The following ANKS1B variants were observed in gnomAD, a reference collection of about 807,000 sequenced individuals.
ANKS1B encodes ankyrin repeat and sterile alpha motif domain containing 1B.
Under a neutral mutation model 148.3 loss-of-function variants are expected in ANKS1B, and 36 were observed. That is an observed-to-expected ratio of 0.24 (90% CI 0.19 to 0.32). The LOEUF (loss-of-function observed/expected upper bound fraction) is 0.32. Among genes scored for constraint, ANKS1B ranks in the 10% least tolerant of loss-of-function variants. ANKS1B has a pLI of 1.00. For synonymous variants in ANKS1B, 542 were observed against 560.8 expected (o/e 0.97, Z 0.47); for missense variants, 1,157 against 1,542.6 (o/e 0.75, Z 4.19).
intron 12 of ANKS1B, among the ~76,000 whole-genome samples, chr12:99,260,753 T>G (rs756581838): frequency 6.6e-6 from 1 of 152,182 alleles, no homozygotes; most frequent in African/African-American, 2.4e-5. Context: ...GTAAAATGGC[T>G]TAGAAAATCG....
At chr12:99,773,883 C>T (rs1019184499) in intron 7 of ANKS1B, among the ~76,000 whole-genome samples, 1 of 151,984 alleles carries the variant, frequency 6.6e-6, no homozygotes, top group Admixed American at 6.6e-5. Flanking sequence ...CACAAGGTTT[C>T]CAAGAACACA....
intron 9 of ANKS1B, among the ~76,000 whole-genome samples, chr12:99,561,987 A>C (rs773377011): frequency 2.6e-4 from 39 of 152,352 alleles, no homozygotes; most frequent in Middle Eastern, 6.8e-3. Flanking sequence ...AAAAAGACTT[A>C]ACAGTCTAAG....
intron 8 of ANKS1B, among the ~76,000 whole-genome samples, chr12:99,740,412 T>C (rs1477265431): frequency 2.0e-5 from 3 of 152,184 alleles, no homozygotes; most frequent in Non-Finnish European, 4.4e-5. Context: ...CTCTGTGAAA[T>C]ATTCCAGGAA....
chr12:99,639,791 A>T (rs933687094), intron 9 of ANKS1B, among the ~76,000 whole-genome samples: 1 of 152,164 alleles, frequency 6.6e-6, no homozygotes, highest in Non-Finnish European at 1.5e-5. Context: ...CTGTGAGTCA[A>T]TTGAACCTCT....
rs549165041 is a variant in ANKS1B at position 99,102,618 on chromosome 12, C to T, written c.2527-17595G>A. On this transcript the variant is annotated intron_variant, in intron 15 of 26. Transcript: ENST00000683438. ...AGTTAGCTGGGCATGGTGGCATGCACCTGTAGTCCCGGCTACTCCGGGGGC... is the reference window on the plus strand; with the variant it reads ...AGTTAGCTGGGCATGGTGGCATGCATCTGTAGTCCCGGCTACTCCGGGGGC... Among the ~76,000 whole-genome samples, 79 of 152,258 alleles carry T rather than the reference C, an allele frequency of 5.2e-4. 2 individuals are homozygous for T. In the South Asian group the frequency reaches 0.016, roughly 31 times the overall value.
At chr12:98,856,839 T>C (rs2099574316) in intron 17 of ANKS1B, among the ~76,000 whole-genome samples, 3 of 152,088 alleles carry the variant, frequency 2.0e-5, no homozygotes, top group Admixed American at 2.0e-4. Context: ...GGAAGGTGCA[T>C]CATCAAAAGA....
At position 99,369,779 on chromosome 12, in the gene ANKS1B, TA is replaced by T. The variant is rs1266277472; in HGVS notation, c.1756+29851del. On this transcript the variant is annotated intron_variant, in intron 12 of 26. Coordinates refer to ENST00000683438, the MANE Select transcript of ANKS1B (RefSeq NM_001352186.2). ...ATAGATAGATAGATAGATAGATAGA[TA>T]GATAGATAGATGGACGGACGGACAG... is the stretch of plus-strand genomic sequence containing the variant. Among the ~76,000 whole-genome samples the T allele has an allele frequency of 1.1e-3, 165 of 145,298 alleles. 1 individual carries two copies. The highest frequency in any genetic ancestry group is 2.0e-3 in the Non-Finnish European group (133 of 66,988).
rs967516841 is a variant in ANKS1B at position 98,894,970 on chromosome 12, G to A, written c.2779-62834C>T. The A allele has an allele frequency of 8.0e-5, 66 of 828,606 alleles. 1 individual carries two copies. In the African/African-American group the frequency reaches 1.2e-3, roughly 16 times the overall value. The allele number at this position is 828,606 out of a possible 1,614,324, so 51.3% of individuals were successfully genotyped here. On this transcript the variant is annotated intron_variant, in intron 17 of 26. Transcript: ENST00000683438. ...CCTCGCACCCGCCCGGCTCCACGCG[G>A]CGCGCGCCTGCCCTGGCGGCAGCGG...
chr12:99,407,413 C>CA (rs2094557994), intron 11 of ANKS1B, among the ~76,000 whole-genome samples: 1 of 145,606 alleles, frequency 6.9e-6, no homozygotes, highest in African/African-American at 2.6e-5. Context: ...CAGTATCATA[C>CA]AAAATGGGAG....
rs948191699 is a variant in ANKS1B, at chr12:99,841,466, T to C, written c.135-16077A>G. Among the ~76,000 whole-genome samples the C allele has an allele frequency of 2.6e-5, 4 of 152,230 alleles. No homozygotes were observed. The East Asian group carries it at 5.8e-4, about 22-fold the overall frequency. The stretch of plus-strand genomic sequence containing the variant: ...TTCACATTCACATGTAAATTGTCTC[T>C]GGTTTTCTTGTCTTTTTTATTTCAG... On this transcript the variant is annotated intron_variant, in intron 1 of 26. Transcript: ENST00000683438.
chr12:99,674,816 T>C (rs533401130), intron 8 of ANKS1B, among the ~76,000 whole-genome samples: 3 of 151,902 alleles, frequency 2.0e-5, no homozygotes, highest in African/African-American at 7.2e-5. Flanking sequence ...TGAACATTAA[T>C]ACTAAAATTC....
At chr12:98,759,675 A>G (rs1244515361) in intron 25 of ANKS1B, among the ~76,000 whole-genome samples, 1 of 152,200 alleles carries the variant, frequency 6.6e-6, no homozygotes, top group Non-Finnish European at 1.5e-5. Context: ...TATTCATTAA[A>G]GTGTTTAAAT....
At chr12:99,091,877 G>A (rs1032149515) in intron 15 of ANKS1B, among the ~76,000 whole-genome samples, 4 of 152,068 alleles carry the variant, frequency 2.6e-5, no homozygotes, top group African/African-American at 7.2e-5. Context: ...ACCTCTAGCA[G>A]GAATCATGCA....
At chr12:98,860,153 CTA>C (rs1458756403) in intron 17 of ANKS1B, among the ~76,000 whole-genome samples, 2 of 152,174 alleles carry the variant, frequency 1.3e-5, no homozygotes, top group African/African-American at 2.4e-5. Flanking sequence ...ATTTAAAAAC[CTA>C]TATGTTTTCA....
chr12:98,787,443 C>T (rs2098805470), intron 22 of ANKS1B, among the ~76,000 whole-genome samples: 1 of 152,172 alleles, frequency 6.6e-6, no homozygotes, highest in Admixed American at 6.5e-5. Flanking sequence ...CTTGATTTGT[C>T]TTCACTGTAA....
At chr12:99,033,488 T>C (rs751318118) in intron 17 of ANKS1B, among the ~76,000 whole-genome samples, 1 of 152,050 alleles carries the variant, frequency 6.6e-6, no homozygotes, top group African/African-American at 2.4e-5. Flanking sequence ...CAAATCAATT[T>C]ATAGAAGTAA....
At chr12:99,269,795 G>A (rs1040417379) in intron 12 of ANKS1B, among the ~76,000 whole-genome samples, 10 of 152,218 alleles carry the variant, frequency 6.6e-5, no homozygotes, top group African/African-American at 1.9e-4. Flanking sequence ...TCCTGACCTC[G>A]TGATCTGCCC....
intron 12 of ANKS1B, among the ~76,000 whole-genome samples, chr12:99,273,558 TTTTTTTTTTTTTGCGA>T: frequency 7.4e-6 from 1 of 134,826 alleles, no homozygotes; most frequent in Non-Finnish European, 1.6e-5. Flanking sequence ...TATCAGATTC[TTTTTTTTTTTTTGCGA>T]TTTTTTTTTT....
At chr12:98,818,181 C>CT (rs2099157627) in intron 19 of ANKS1B, among the ~76,000 whole-genome samples, 1 of 110,696 alleles carries the variant, frequency 9.0e-6, no homozygotes, top group South Asian at 3.7e-4. Flanking sequence ...CCCTTCCTTC[C>CT]TCTCTTCCTC....
Sources: gnomAD v4.1 joint callset for allele counts (sites outside exome capture counted in the v4.1 genomes callset) on GRCh38, gnomAD v4.1.1 for gene constraint, MANE v1.5 for transcripts, NCBI Gene and HGNC (gene_info 2026-07-23, HGNC 2026-07-21) for gene names.